The following PIK3CA variants were observed in gnomAD, a reference collection of about 807,000 sequenced individuals.
PIK3CA encodes the protein phosphatidylinositol 4,5-bisphosphate 3-kinase catalytic subunit alpha isoform.
A neutral mutation model predicts 138.2 loss-of-function variants in PIK3CA; 27 were observed. The ratio of observed to expected loss-of-function variants is 0.20; its 90% CI spans 0.14 to 0.27. The LOEUF (loss-of-function observed/expected upper bound fraction) is 0.27. Among genes scored for constraint, PIK3CA ranks in the 10% least tolerant of loss-of-function variants. The pLI, the probability that PIK3CA is intolerant of heterozygous loss-of-function variation, is 1.00. For synonymous variants in PIK3CA, 358 were observed against 413.2 expected (o/e 0.87, Z 1.62); for missense variants, 544 against 1,277.4 (o/e 0.43, Z 8.75).
intron 17 of PIK3CA, among the ~76,000 whole-genome samples, chr3:179,228,340 T>C (rs1321231985): frequency 6.6e-6 from 1 of 151,988 alleles, no homozygotes; most frequent in Non-Finnish European, 1.5e-5. Flanking sequence ...CAGGATACTA[T>C]AAAATCATGT....
intron 14 of PIK3CA, among the ~76,000 whole-genome samples, chr3:179,221,724 T>TTTC (rs1724972684): frequency 7.8e-6 from 1 of 128,084 alleles, no homozygotes; most frequent in African/African-American, 3.2e-5. Context: ...TTTTTTTTTT[T>TTTC]TGAGACAGGG....
At chr3:179,196,610 T>A (rs1467567904) in intron 1 of PIK3CA, among the ~76,000 whole-genome samples, 2 of 152,262 alleles carry the variant, frequency 1.3e-5, no homozygotes, top group African/African-American at 4.8e-5. Context: ...ATTTCTGTAT[T>A]TTCGTGGGGG....
intron 5 of PIK3CA, among the ~76,000 whole-genome samples, chr3:179,204,118 A>G (rs375778844): frequency 6.6e-6 from 1 of 152,182 alleles, no homozygotes; most frequent in African/African-American, 2.4e-5. Context: ...CTTAGTATAA[A>G]ATTCCGGTAT....
At chr3:179,180,898 T>C (rs557568564) in intron 1 of PIK3CA, among the ~76,000 whole-genome samples, 3 of 152,198 alleles carry the variant, frequency 2.0e-5, no homozygotes, top group Non-Finnish European at 4.4e-5. Context: ...CTGAGAACTG[T>C]TTAACATTTA....
Position 179,234,281 on chromosome 3 carries a change from C to A in PIK3CA, c.3124C>A (p.Gln1042Lys). Residue 1042 changes from glutamine (Q) to lysine (K), a missense_variant, in exon 21 of 21, where the codon CAA becomes AAA. This residue lies in a region of PIK3CA where 12 missense variants were observed against 75.3 expected (regional missense o/e 0.16). Coordinates refer to ENST00000263967, the MANE Select transcript of PIK3CA (RefSeq NM_006218.4). The surrounding 1 kb of genome is among the most constrained non-coding windows in gnomAD (Gnocchi z 5.1). ...AGAGGCTTTGGAGTATTTCATGAAACAAATGAATGATGCACATCATGGTGG... is the reference window on the plus strand; with the variant it reads ...AGAGGCTTTGGAGTATTTCATGAAAAAAATGAATGATGCACATCATGGTGG... ...EQEALEYFMK[Q>K]MNDAHHGGWT... The A allele has an allele frequency of 6.2e-7, 1 of 1,613,498 alleles. No homozygotes were observed. The highest frequency in any genetic ancestry group is 8.5e-7 in the Non-Finnish European group (1 of 1,179,616).
chr3:179,190,818 A>T lies in PIK3CA; in HGVS notation c.-76-7932A>T, dbSNP rs769741977. Among the ~76,000 whole-genome samples, 40 of 152,212 alleles carry T rather than the reference A, an allele frequency of 2.6e-4. 1 individual carries two copies. Among genetic ancestry groups the T allele is most frequent in the Middle Eastern group, 3.2e-3 (1 of 316 alleles). On this transcript the variant is annotated intron_variant, in intron 1 of 20. Coordinates refer to ENST00000263967, the MANE Select transcript of PIK3CA (RefSeq NM_006218.4). ...GGGTCCTACAAAGTATGAGACTCAG[A>T]TAAGGGCCAGACGGCTGAAGCTTAA...
chr3:179,185,222 G>C (rs571229489), intron 1 of PIK3CA, among the ~76,000 whole-genome samples: 5 of 152,152 alleles, frequency 3.3e-5, no homozygotes, highest in South Asian at 4.1e-4. Context: ...TAAACTTCAG[G>C]GGGGAGAAGT....
At chr3:179,180,821 A>T (rs1192153448) in intron 1 of PIK3CA, among the ~76,000 whole-genome samples, 1 of 152,190 alleles carries the variant, frequency 6.6e-6, no homozygotes, top group Non-Finnish European at 1.5e-5. Context: ...TAATAACATC[A>T]GTATTTCTTT....
At position 179,235,053 on chromosome 3, in the gene PIK3CA, T is replaced by G. The variant is rs1353335429; in HGVS notation, c.*689T>G. ...GACCTGTTATAAGGTGGTATTTTTT[T>G]TTTTCTTCTGGACAGTATTTAAAGG... On this transcript the variant is annotated 3_prime_UTR_variant, in exon 21 of 21. Coordinates refer to ENST00000263967, the MANE Select transcript of PIK3CA (RefSeq NM_006218.4). The G allele has an allele frequency of 5.0e-6, 1 of 199,978 alleles. No individual in the cohort carries two copies. Among genetic ancestry groups the G allele is most frequent in the Non-Finnish European group, 1.0e-5 (1 of 97,342 alleles). The allele number at this position is 199,978 out of a possible 1,614,324, so 12.4% of individuals were successfully genotyped here. A position where few individuals can be genotyped will look rare whatever the true frequency, so the allele number is the denominator to read the frequency against.
In PIK3CA at chr3:179,203,175, C is replaced by T. The variant is rs557155272; in HGVS notation, c.814-369C>T. Among the ~76,000 whole-genome samples the T allele has an allele frequency of 2.5e-3, 386 of 151,928 alleles. 2 individuals are homozygous for T. Among genetic ancestry groups the T allele is most frequent in the South Asian group, 5.0e-3 (24 of 4,796 alleles). ...CAGGATGGTCTCGATCTCCTGACCTCGTGATCCGCCCGCCTCGGCCTCCCA... is the reference window on the plus strand; with the variant it reads ...CAGGATGGTCTCGATCTCCTGACCTTGTGATCCGCCCGCCTCGGCCTCCCA... On this transcript the variant is annotated intron_variant, in intron 4 of 20. Coordinates refer to ENST00000263967, the MANE Select transcript of PIK3CA (RefSeq NM_006218.4).
intron 1 of PIK3CA, among the ~76,000 whole-genome samples, chr3:179,165,326 T>G (rs1009931338): frequency 3.3e-5 from 5 of 152,220 alleles, no homozygotes; most frequent in Non-Finnish European, 1.5e-5. Flanking sequence ...CTTGATAATG[T>G]GCAAATTATC....
chr3:179,229,978 A>C (rs764873636), intron 18 of PIK3CA, 26 bp from the exon 19 acceptor site: 21 of 1,418,186 alleles, frequency 1.5e-5, no homozygotes, highest in South Asian at 3.5e-5. Flanking sequence ...TTTCCATACT[A>C]CTCATGAGGT....
chr3:179,226,318 CCT>C (rs1241948715), intron 17 of PIK3CA, among the ~76,000 whole-genome samples: 11 of 152,054 alleles, frequency 7.2e-5, no homozygotes, highest in Non-Finnish European at 1.6e-4. Flanking sequence ...ACAAAAGACC[CCT>C]GTTTTCATTC....
intron 1 of PIK3CA, among the ~76,000 whole-genome samples, chr3:179,175,097 T>C (rs139679410): frequency 6.6e-6 from 1 of 152,354 alleles, no homozygotes; most frequent in East Asian, 1.9e-4. Context: ...CTTCCTGTGT[T>C]GAAGCATTGA....
rs1396807505 is a variant in PIK3CA, at chr3:179,219,563, A to G, written c.1747-8A>G. The stretch of plus-strand genomic sequence containing the variant: ...TTAAATATGATTTATTGTCTTTCTC[A>G]TACACAGATGTATTGCTTGGTAAAA... On this transcript the variant is annotated splice_polypyrimidine_tract_variant and splice_region_variant and intron_variant, in intron 11 of 20. Transcript: ENST00000263967. This position sits in a 1 kb window ranked among gnomAD's most constrained non-coding sequence, Gnocchi z 4.2. 1.7e-5 allele frequency: 23 copies of G among 1,322,466 alleles called. No homozygotes were observed. The highest frequency in any genetic ancestry group is 1.5e-5 in the Non-Finnish European group (14 of 921,112). The allele number at this position is 1,322,466 out of a possible 1,614,324, so 81.9% of individuals were successfully genotyped here.
chr3:179,173,820 T>A (rs1243086250), intron 1 of PIK3CA, among the ~76,000 whole-genome samples: 1 of 151,804 alleles, frequency 6.6e-6, no homozygotes, highest in Non-Finnish European at 1.5e-5. Flanking sequence ...TCCGCCTCCC[T>A]GGTTCAAGTG....
chr3:179,154,464 G>A (rs1447217145), intron 1 of PIK3CA, among the ~76,000 whole-genome samples: 3 of 152,016 alleles, frequency 2.0e-5, no homozygotes, highest in Non-Finnish European at 2.9e-5. Context: ...CCAAACCATC[G>A]CCCCCACACT....
chr3:179,200,846 C>T (rs2108388841), intron 3 of PIK3CA, among the ~76,000 whole-genome samples: 1 of 152,216 alleles, frequency 6.6e-6, no homozygotes, highest in East Asian at 1.9e-4. Flanking sequence ...ATTTTCTTAC[C>T]TTTCCTCCCT....
intron 1 of PIK3CA, among the ~76,000 whole-genome samples, chr3:179,169,524 T>C (rs1472673697): frequency 6.6e-6 from 1 of 152,212 alleles, no homozygotes; most frequent in Non-Finnish European, 1.5e-5. Context: ...TCATTTTTTT[T>C]CAGTTCACGT....
Sources: allele counts gnomAD v4.1 joint callset (sites outside exome capture counted in the v4.1 genomes callset), GRCh38; gene constraint gnomAD v4.1.1; regional missense constraint gnomAD v4.1.1; non-coding constraint Gnocchi (gnomAD v3.1); transcripts MANE v1.5; gene names NCBI Gene and HGNC (gene_info 2026-07-23, HGNC 2026-07-21).